Variants in AKAP12 observed in about 807,000 individuals in gnomAD.
AKAP12 encodes A-kinase anchoring protein 12.
In AKAP12, 32 loss-of-function variants were observed where a neutral mutation model predicts 79.9. The ratio of observed to expected loss-of-function variants is 0.40; its 90% CI spans 0.30 to 0.54. The LOEUF is 0.54. Ranked by LOEUF, AKAP12 falls within the 20% of genes least tolerant of loss-of-function variation. The pLI is 0.48. For missense variants in AKAP12, 2,074 were observed against 2,177.0 expected, an observed-to-expected ratio of 0.95 and a Z score of 0.94; for synonymous variants, 808 against 857.0, an observed-to-expected ratio of 0.94 and a Z score of 1.00.
intron 2 of AKAP12, among the ~76,000 whole-genome samples, chr6:151,270,775 T>C (rs531757710): frequency 6.6e-6 from 1 of 152,268 alleles, no homozygotes; most frequent in South Asian, 2.1e-4. Flanking sequence ...CCCTGATAGC[T>C]AATTGTGTGG....
At chr6:151,270,131 A>G (rs1333477592) in intron 2 of AKAP12, among the ~76,000 whole-genome samples, 1 of 152,188 alleles carries the variant, frequency 6.6e-6, no homozygotes, top group Non-Finnish European at 1.5e-5. Context: ...ATCTTGGCTC[A>G]CTGCAACCTC....
chr6:151,342,249 T>C (rs1308498544), intron 3 of AKAP12, among the ~76,000 whole-genome samples: 1 of 151,872 alleles, frequency 6.6e-6, no homozygotes, highest in Non-Finnish European at 1.5e-5. Flanking sequence ...CCATGGGGAG[T>C]GTGAAGCCCA....
intron 2 of AKAP12, among the ~76,000 whole-genome samples, chr6:151,259,416 G>GCA (rs1554319934): frequency 7.0e-6 from 1 of 142,692 alleles, no homozygotes; most frequent in Non-Finnish European, 1.5e-5. Context: ...ATTTATATAT[G>GCA]TATATATATA....
chr6:151,284,064 G>A (rs1396491374), intron 2 of AKAP12, among the ~76,000 whole-genome samples: 2 of 152,166 alleles, frequency 1.3e-5, no homozygotes, highest in Non-Finnish European at 2.9e-5. Context: ...TAAGCGTATA[G>A]CTTGGTGAGT....
At chr6:151,328,888 C>T (rs1777602088) in intron 3 of AKAP12, among the ~76,000 whole-genome samples, 2 of 151,912 alleles carry the variant, frequency 1.3e-5, no homozygotes, top group South Asian at 4.2e-4. Context: ...CTATTATCCC[C>T]CTCCCCCCTG....
In AKAP12 at chr6:151,273,867, A is replaced by G. The variant is rs118036767; in HGVS notation, c.163-31880A>G. On this transcript the variant is annotated intron_variant, in intron 2 of 4. Coordinates refer to ENST00000402676, the MANE Select transcript of AKAP12 (RefSeq NM_005100.4). ...ACATGGTGAAAACTCCGTCTCTACTAAAAATATGAAAATTAGCCGGGTATG... is the reference window on the plus strand; with the variant it reads ...ACATGGTGAAAACTCCGTCTCTACTGAAAATATGAAAATTAGCCGGGTATG... 8.3e-4 allele frequency among the ~76,000 whole-genome samples: 126 copies of G among 152,040 alleles called. 1 individual carries two copies. The East Asian group carries it at 0.012, about 14-fold the overall frequency.
intron 3 of AKAP12, among the ~76,000 whole-genome samples, chr6:151,339,950 A>G (rs1226290689): frequency 1.3e-5 from 2 of 151,022 alleles, no homozygotes; most frequent in Admixed American, 6.6e-5. Flanking sequence ...TTTTTGAGAC[A>G]GAGTCTCGCT....
At chr6:151,248,869 C>T (rs1476190176) in intron 2 of AKAP12, among the ~76,000 whole-genome samples, 1 of 151,954 alleles carries the variant, frequency 6.6e-6, no homozygotes, top group Non-Finnish European at 1.5e-5. Flanking sequence ...TACCTGTAAT[C>T]CCAGCTACTC....
chr6:151,335,110 C>T (rs926346067), intron 3 of AKAP12, among the ~76,000 whole-genome samples: 6 of 152,010 alleles, frequency 3.9e-5, no homozygotes, highest in Admixed American at 1.3e-4. Context: ...TGGACATTAT[C>T]TAACCATGGG....
At chr6:151,256,911 C>T (rs942002184) in intron 2 of AKAP12, among the ~76,000 whole-genome samples, 2 of 148,324 alleles carry the variant, frequency 1.3e-5, no homozygotes, top group African/African-American at 2.5e-5. Context: ...GGCCTCCCAA[C>T]GTGTTGGGAT....
chr6:151,304,863 C>T (rs1166307944), intron 2 of AKAP12, among the ~76,000 whole-genome samples: 6 of 152,140 alleles, frequency 3.9e-5, no homozygotes, highest in East Asian at 1.9e-4. Flanking sequence ...TGAGCCACCA[C>T]GCCCGGCCAT....
At chr6:151,261,236 T>C (rs1389434809) in intron 2 of AKAP12, among the ~76,000 whole-genome samples, 1 of 151,376 alleles carries the variant, frequency 6.6e-6, no homozygotes, top group Non-Finnish European at 1.5e-5. Context: ...AAAAATTAGC[T>C]GGGCGTGGTG....
At chr6:151,282,616 G>A (rs879632143) in intron 2 of AKAP12, among the ~76,000 whole-genome samples, 3 of 152,142 alleles carry the variant, frequency 2.0e-5, no homozygotes, top group East Asian at 3.9e-4. Context: ...TGGTTGCTGC[G>A]GGGGAAGGAT....
At chr6:151,326,178 C>A (rs966800083) in intron 3 of AKAP12, among the ~76,000 whole-genome samples, 9 of 152,078 alleles carry the variant, frequency 5.9e-5, no homozygotes, top group Non-Finnish European at 1.0e-4. Context: ...GTACCCTTCC[C>A]CTTAGGGAGA....
intron 2 of AKAP12, among the ~76,000 whole-genome samples, chr6:151,258,466 A>G (rs1048059318): frequency 1.3e-5 from 2 of 152,186 alleles, no homozygotes; most frequent in Admixed American, 6.6e-5. Flanking sequence ...AGAAAAGCAA[A>G]TAACTATATT....
intron 2 of AKAP12, among the ~76,000 whole-genome samples, chr6:151,261,544 T>C (rs796867379): frequency 3.3e-5 from 5 of 150,824 alleles, no homozygotes; most frequent in African/African-American, 1.2e-4. Context: ...GTCTTTAAAA[T>C]ACAAAAATTA....
At position 151,351,306 on chromosome 6, in the gene AKAP12, C is replaced by T; in HGVS notation, c.2915C>T (p.Thr972Ile). The change falls in exon 4 of 5, where the codon ACC (threonine) becomes ATC (isoleucine). Residue 972 changes from threonine (T) to isoleucine (I), a missense_variant. Physicochemically the swap from Thr to Ile is moderately conservative, Grantham distance 89. Transcript: ENST00000402676. This position sits in a 1 kb window ranked among gnomAD's most constrained non-coding sequence, Gnocchi z 4.4. ...GDTVVSEAEL[T>I]PEAVTAAETA... Reference sequence around the variant, plus strand: ...ACGGTCGTTAGTGAGGCGGAATTGACCCCCGAAGCTGTGACAGCTGCAGAA... The same window carrying T: ...ACGGTCGTTAGTGAGGCGGAATTGATCCCCGAAGCTGTGACAGCTGCAGAA... 3 of 1,614,170 alleles carry T rather than the reference C, an allele frequency of 1.9e-6. No individual in the cohort carries two copies. The highest frequency in any genetic ancestry group is 1.6e-4 in the Middle Eastern group (1 of 6,062).
chr6:151,304,172 C>T (rs1022877820), intron 2 of AKAP12, among the ~76,000 whole-genome samples: 4 of 151,772 alleles, frequency 2.6e-5, no homozygotes, highest in African/African-American at 9.7e-5. Context: ...AATTTTTTTA[C>T]CTATATTCTC....
intron 2 of AKAP12, among the ~76,000 whole-genome samples, chr6:151,283,565 G>A (rs1015326123): frequency 1.3e-5 from 2 of 152,152 alleles, no homozygotes; most frequent in African/African-American, 4.8e-5. Context: ...TGTCCTACGC[G>A]CTTGGTACAC....
Sources: allele counts gnomAD v4.1 joint callset (sites outside exome capture counted in the v4.1 genomes callset), GRCh38; gene constraint gnomAD v4.1.1; non-coding constraint Gnocchi (gnomAD v3.1); transcripts MANE v1.5; gene names NCBI Gene and HGNC (gene_info 2026-07-23, HGNC 2026-07-21).